SYN3: variants seen among roughly 807,000 people sequenced by gnomAD.
SYN3 encodes synapsin III, also known as synapsin-3.
Under a neutral mutation model 65.8 loss-of-function variants are expected in SYN3, and 35 were observed. That is an observed-to-expected ratio of 0.53 (90% confidence interval 0.41 to 0.70). The LOEUF (loss-of-function observed/expected upper bound fraction) is 0.70. Ranked by LOEUF, SYN3 falls within the 30% of genes least tolerant of loss-of-function variation. The pLI is 0.00. For missense variants in SYN3, 680 were observed against 749.0 expected, an observed-to-expected ratio of 0.91 and a Z score of 1.08; for synonymous variants, 270 against 292.9, an observed-to-expected ratio of 0.92 and a Z score of 0.80.
chr22:32,915,428 T>C (rs1379968923), intron 4 of SYN3, among the ~76,000 whole-genome samples: 2 of 152,142 alleles, frequency 1.3e-5, no homozygotes, highest in East Asian at 1.9e-4. Flanking sequence ...TAAGCAAGCA[T>C]AGCAGTAGCA....
chr22:32,655,541 G>A (rs1051639356), intron 6 of SYN3, among the ~76,000 whole-genome samples: 5 of 152,070 alleles, frequency 3.3e-5, no homozygotes, highest in East Asian at 1.9e-4. Context: ...TCGTATTACC[G>A]CCCGCACTCT....
At chr22:32,884,146 C>T (rs2049225623) in intron 4 of SYN3, among the ~76,000 whole-genome samples, 1 of 152,228 alleles carries the variant, frequency 6.6e-6, no homozygotes, top group Non-Finnish European at 1.5e-5. Flanking sequence ...GGAAACGTTT[C>T]TAAGCTAACA....
intron 6 of SYN3, among the ~76,000 whole-genome samples, chr22:32,733,549 C>T (rs2061298252): frequency 1.3e-5 from 2 of 152,346 alleles, no homozygotes; most frequent in Non-Finnish European, 2.9e-5. Flanking sequence ...TATCTGATGT[C>T]TAACATGGCC....
At chr22:33,053,360 T>C (rs1601971058) in intron 1 of SYN3, among the ~76,000 whole-genome samples, 1 of 151,874 alleles carries the variant, frequency 6.6e-6, no homozygotes, top group South Asian at 2.1e-4. Flanking sequence ...GAGGCGGAGG[T>C]TGCAGTGAGC....
chr22:32,918,198 T>C (rs939089973), intron 4 of SYN3, among the ~76,000 whole-genome samples: 1 of 152,258 alleles, frequency 6.6e-6, no homozygotes, highest in Non-Finnish European at 1.5e-5. Context: ...GATTTAGGCA[T>C]TGTGCCAGGT....
chr22:32,743,484 GGA>G (rs1353390119), intron 6 of SYN3, among the ~76,000 whole-genome samples: 4 of 152,108 alleles, frequency 2.6e-5, no homozygotes, highest in African/African-American at 9.7e-5. Flanking sequence ...GGAGCATTAG[GGA>G]GAGAGAGAGG....
At chr22:32,558,650 G>C (rs1601631109) in intron 7 of SYN3, among the ~76,000 whole-genome samples, 1 of 152,260 alleles carries the variant, frequency 6.6e-6, no homozygotes, top group South Asian at 2.1e-4. Context: ...CAAAGTGCAG[G>C]TTTTGAGAGT....
At chr22:32,539,409 G>A (rs921369879) in intron 8 of SYN3, among the ~76,000 whole-genome samples, 2 of 152,194 alleles carry the variant, frequency 1.3e-5, no homozygotes, top group African/African-American at 2.4e-5. Flanking sequence ...AATGAACGAA[G>A]TGGTACCAGA....
chr22:32,910,188 C>T (rs1302243910), intron 4 of SYN3, among the ~76,000 whole-genome samples: 2 of 152,102 alleles, frequency 1.3e-5, no homozygotes, highest in Admixed American at 6.5e-5. Context: ...TTAGGCTAGC[C>T]CACGTGTTTT....
chr22:32,620,961 AC>A (rs2059585763), intron 6 of SYN3, among the ~76,000 whole-genome samples: 2 of 126,166 alleles, frequency 1.6e-5, no homozygotes, highest in South Asian at 5.7e-4. Context: ...CTCATGATCC[AC>A]CCACCTCGGT....
In SYN3 at chr22:32,508,464, A is replaced by G. The variant is rs2057656497; in HGVS notation, c.*5228T>C. 6.6e-6 allele frequency among the ~76,000 whole-genome samples: 1 copy of G among 152,172 alleles called. No homozygotes were observed. Among genetic ancestry groups the G allele is most frequent in the Non-Finnish European group, 1.5e-5 (1 of 68,034 alleles). ...AATAAACAGCCATGTTGCTCACACA[A>G]AGCCTGTTTAGTGGTCTCTTCACAC... On this transcript the variant is annotated 3_prime_UTR_variant, in exon 14 of 14. Coordinates refer to ENST00000358763, the MANE Select transcript of SYN3 (RefSeq NM_003490.4).
chr22:32,919,124 C>T (rs1238099056), intron 4 of SYN3, among the ~76,000 whole-genome samples: 2 of 152,182 alleles, frequency 1.3e-5, no homozygotes, highest in East Asian at 3.9e-4. Flanking sequence ...TCCTTCCCCT[C>T]ATTTGGCCCC....
At chr22:32,896,106 C>T (rs556517300) in intron 4 of SYN3, among the ~76,000 whole-genome samples, 1 of 152,280 alleles carries the variant, frequency 6.6e-6, no homozygotes, top group East Asian at 1.9e-4. Context: ...TATACACACA[C>T]ATATAAATAT....
intron 3 of SYN3, among the ~76,000 whole-genome samples, chr22:32,935,325 A>C (rs2050742945): frequency 6.6e-6 from 1 of 150,586 alleles, no homozygotes; most frequent in Non-Finnish European, 1.5e-5. Flanking sequence ...CACACACACA[A>C]AATAACAAAT....
intron 7 of SYN3, among the ~76,000 whole-genome samples, chr22:32,566,286 C>A (rs769708420): frequency 9.2e-5 from 14 of 152,134 alleles, no homozygotes; most frequent in Non-Finnish European, 1.9e-4. Flanking sequence ...CAGCCTATCT[C>A]AATAGAGGCA....
At chr22:32,793,867 G>A (rs553980211) in intron 6 of SYN3, among the ~76,000 whole-genome samples, 3 of 152,356 alleles carry the variant, frequency 2.0e-5, no homozygotes, top group African/African-American at 4.8e-5. Flanking sequence ...GGGCAGAGTT[G>A]AAAATCTGGG....
At position 32,623,113 on chromosome 22, in the gene SYN3, A is replaced by G. The variant is rs371023341; in HGVS notation, c.712-26377T>C. On this transcript the variant is annotated intron_variant, in intron 6 of 13. Transcript: ENST00000358763. Reference sequence around the variant, plus strand: ...CAGACTTTAATGGAAGGAGCATGAAAGTGAGATTGTGAACCCCAGGGAGAG... The same window carrying G: ...CAGACTTTAATGGAAGGAGCATGAAGGTGAGATTGTGAACCCCAGGGAGAG... Among the ~76,000 whole-genome samples the G allele has an allele frequency of 1.1e-4, 17 of 152,312 alleles. 1 individual carries two copies. Among genetic ancestry groups the G allele is most frequent in the Middle Eastern group, 3.4e-3 (1 of 294 alleles).
chr22:32,587,518 C>G (rs143455034), intron 7 of SYN3, among the ~76,000 whole-genome samples: 1 of 152,126 alleles, frequency 6.6e-6, no homozygotes, highest in African/African-American at 2.4e-5. Context: ...TTGCGGGGAA[C>G]CTTTTGATTT....
At position 32,631,095 on chromosome 22, in the gene SYN3, G is replaced by C. The variant is rs566992388; in HGVS notation, c.712-34359C>G. ...GATCACCTGAGGTCAGGAGTTCCGA[G>C]ACCAGCTTGGACAACATGGAGAAAC... On this transcript the variant is annotated intron_variant, in intron 6 of 13. Coordinates refer to ENST00000358763, the MANE Select transcript of SYN3 (RefSeq NM_003490.4). 5.0e-3 allele frequency among the ~76,000 whole-genome samples: 753 copies of C among 151,970 alleles called. 3 individuals carry two copies. Among genetic ancestry groups the C allele is most frequent in the Non-Finnish European group, 6.9e-3 (472 of 67,992 alleles).
Sources: allele counts gnomAD v4.1 joint callset (sites outside exome capture counted in the v4.1 genomes callset), GRCh38; gene constraint gnomAD v4.1.1; transcripts MANE v1.5; gene names NCBI Gene and HGNC (gene_info 2026-07-23, HGNC 2026-07-21).